Variants in LARP1 observed in about 807,000 individuals in gnomAD.
LARP1 encodes la-related protein 1.
A neutral mutation model predicts 122.7 loss-of-function variants in LARP1; 36 were observed. The ratio of observed to expected loss-of-function variants is 0.29; its 90% CI spans 0.22 to 0.39. LARP1 has a LOEUF of 0.39. Ranked by LOEUF, LARP1 falls within the 10% of genes least tolerant of loss-of-function variation. The probability of loss-of-function intolerance (pLI) is 1.00; values close to 1 mark genes in which losing one functional copy is unlikely to be tolerated. For synonymous variants in LARP1, 539 were observed against 528.7 expected, an observed-to-expected ratio of 1.02 and a Z score of -0.27; for missense variants, 1,040 against 1,403.6, an observed-to-expected ratio of 0.74 and a Z score of 4.14.
chr5:154,758,569 GA>G (rs528836215), intron 1 of LARP1, among the ~76,000 whole-genome samples: 2 of 152,122 alleles, frequency 1.3e-5, no homozygotes, highest in African/African-American at 2.4e-5. Context: ...GTGGATCTCT[GA>G]AGTGCTTTTC....
chr5:154,810,222 G>C (rs908688941), intron 16 of LARP1, among the ~76,000 whole-genome samples: 4 of 151,696 alleles, frequency 2.6e-5, no homozygotes, highest in African/African-American at 9.7e-5. Context: ...GATCACTTGA[G>C]GTCAGGAGTT....
chr5:154,705,965 C>T (rs1489553988), intron 1 of LARP1, among the ~76,000 whole-genome samples: 3 of 152,102 alleles, frequency 2.0e-5, no homozygotes, highest in African/African-American at 7.2e-5. Context: ...GTGGAATCAA[C>T]CTAGATGCCC....
At chr5:154,758,787 T>A (rs1048778162) in intron 1 of LARP1, among the ~76,000 whole-genome samples, 1 of 152,238 alleles carries the variant, frequency 6.6e-6, no homozygotes, top group Non-Finnish European at 1.5e-5. Flanking sequence ...GTTGGTGTTT[T>A]AGTTCTTTAA....
chr5:154,778,743 T>G (rs1756137554), intron 1 of LARP1, among the ~76,000 whole-genome samples: 1 of 152,172 alleles, frequency 6.6e-6, no homozygotes, highest in African/African-American at 2.4e-5. Flanking sequence ...TGTCAACCAG[T>G]CTCTTGACTT....
At chr5:154,752,769 T>C (rs1034336772), upstream of LARP1, among the ~76,000 whole-genome samples, 4 of 151,614 alleles carry the variant, frequency 2.6e-5, no homozygotes, top group African/African-American at 9.7e-5. Context: ...TGAAACCCCA[T>C]CACTACTAAA....
At chr5:154,812,981 C>CA (rs1208697650) in intron 18 of LARP1, among the ~76,000 whole-genome samples, 1 of 152,144 alleles carries the variant, frequency 6.6e-6, no homozygotes, top group African/African-American at 2.4e-5. Flanking sequence ...TGGGTGGAGA[C>CA]ACAGCCAAAT....
At chr5:154,810,512 G>A (rs1303670933) in intron 16 of LARP1, among the ~76,000 whole-genome samples, 4 of 151,928 alleles carry the variant, frequency 2.6e-5, no homozygotes, top group East Asian at 1.9e-4. Flanking sequence ...TTTTGGAGAC[G>A]AGTCTCACTG....
intron 1 of LARP1, among the ~76,000 whole-genome samples, chr5:154,736,240 C>T (rs531908349): frequency 5.3e-5 from 8 of 151,722 alleles, no homozygotes; most frequent in East Asian, 2.0e-4. Flanking sequence ...GGATTACAGG[C>T]GTGTGCCACC....
chr5:154,694,016 G>A (rs1754356718), intron 1 of LARP1, among the ~76,000 whole-genome samples: 1 of 152,132 alleles, frequency 6.6e-6, no homozygotes, highest in Non-Finnish European at 1.5e-5. Context: ...AGGGGATAGA[G>A]GAACACGTTA....
chr5:154,709,216 T>C (rs987517108), upstream of LARP1, among the ~76,000 whole-genome samples: 2 of 152,236 alleles, frequency 1.3e-5, no homozygotes, highest in Non-Finnish European at 2.9e-5. Context: ...TTCTTAGCTT[T>C]AGCAATGCAG....
rs973721663 is a variant in LARP1 at position 154,777,685 on chromosome 5, CAA to C, written c.437-12638_437-12637del. Among the ~76,000 whole-genome samples the C allele has an allele frequency of 6.6e-5, 10 of 152,148 alleles. No homozygotes were observed. The South Asian group carries it at 1.0e-3, about 16-fold the overall frequency. The stretch of plus-strand genomic sequence containing the variant: ...TAATTTATTGTACATTTAAAAATAA[CAA>C]AGTGTAACTGAATTGTTTGTAACAC... On this transcript the variant is annotated intron_variant, in intron 1 of 18. Coordinates refer to ENST00000518297, the MANE Select transcript of LARP1 (RefSeq NM_033551.3).
intron 1 of LARP1, among the ~76,000 whole-genome samples, chr5:154,777,238 T>C (rs1012775789): frequency 1.3e-5 from 2 of 152,160 alleles, no homozygotes; most frequent in African/African-American, 4.8e-5. Flanking sequence ...CGGTGGCTCA[T>C]GCCTGTAATC....
At chr5:154,730,232 A>C (rs1756471054) in intron 1 of LARP1, among the ~76,000 whole-genome samples, 1 of 152,036 alleles carries the variant, frequency 6.6e-6, no homozygotes, top group South Asian at 2.1e-4. Flanking sequence ...TCTGTCGCCC[A>C]GGCTGGAGTG....
intron 1 of LARP1, among the ~76,000 whole-genome samples, chr5:154,719,123 C>T (rs1755697612): frequency 6.6e-6 from 1 of 152,182 alleles, no homozygotes; most frequent in Non-Finnish European, 1.5e-5. Flanking sequence ...GGGATAGGGG[C>T]TAAGAAATTC....
At chr5:154,749,272 A>T (rs919178806) in intron 1 of LARP1, among the ~76,000 whole-genome samples, 2 of 152,170 alleles carry the variant, frequency 1.3e-5, no homozygotes, top group African/African-American at 4.8e-5. Context: ...GGTAGTGGGG[A>T]TGGGAGAAGA....
In LARP1 at chr5:154,793,575, G is replaced by A. The variant is rs765916401; in HGVS notation, c.740-20G>A. ...GGCCTCTCCCTCAAGCCTTTCTCAT[G>A]TACCCATGCTGTCTCCCAGGAAACA... On this transcript the variant is annotated intron_variant, in intron 4 of 18. Coordinates refer to ENST00000518297, the MANE Select transcript of LARP1 (RefSeq NM_033551.3). 1.9e-6 allele frequency: 3 copies of A among 1,614,020 alleles called. No individual in the cohort carries two copies. In the East Asian group the frequency reaches 6.7e-5, roughly 36 times the overall value.
intron 1 of LARP1, among the ~76,000 whole-genome samples, chr5:154,763,481 C>A (rs555255959): frequency 6.6e-6 from 1 of 151,570 alleles, no homozygotes; most frequent in Admixed American, 6.6e-5. Context: ...CTTGCCACCT[C>A]TGTTTTTTTT....
At chr5:154,765,437 C>T (rs1424075488) in intron 1 of LARP1, among the ~76,000 whole-genome samples, 2 of 152,232 alleles carry the variant, frequency 1.3e-5, no homozygotes, top group Non-Finnish European at 2.9e-5. Flanking sequence ...GTCATCCAGC[C>T]TGCAGTGCAG....
intron 1 of LARP1, among the ~76,000 whole-genome samples, chr5:154,766,237 A>G (rs1005925402): frequency 2.6e-5 from 4 of 152,222 alleles, no homozygotes; most frequent in Non-Finnish European, 5.9e-5. Flanking sequence ...GTGGAGAGAC[A>G]TCGAAGATTG....
Sources: gnomAD v4.1 joint callset for allele counts (sites outside exome capture counted in the v4.1 genomes callset) on GRCh38, gnomAD v4.1.1 for gene constraint, MANE v1.5 for transcripts, NCBI Gene and HGNC (gene_info 2026-07-23, HGNC 2026-07-21) for gene names.